Variants in CST8 observed in about 807,000 individuals in gnomAD.
CST8 encodes the protein cystatin 8, also known as cystatin-8.
Under a neutral mutation model 11.8 loss-of-function variants are expected in CST8, and 20 were observed. The observed-to-expected ratio is 1.70, with a 90% CI of 1.20 to 2.47. CST8 has a LOEUF of 2.47. Ranked by LOEUF, CST8 falls within the 30% of genes most tolerant of loss-of-function variation. CST8 has a pLI of 0.00. For synonymous variants in CST8, 77 were observed against 63.1 expected (o/e 1.22, Z -1.05); for missense variants, 196 against 167.2 (o/e 1.17, Z -0.95).
rs536181384 is a variant in CST8, at chr20:23,491,568, T to C, written c.-100T>C. ...GAGGCAGTGTGTGGCTCGAAGATTC[T>C]TGAACCCACAGCAGCAGCTGCGGCC... is the stretch of plus-strand genomic sequence containing the variant. On this transcript the variant is annotated 5_prime_UTR_variant, in exon 2 of 4. Coordinates refer to ENST00000246012, the MANE Select transcript of CST8 (RefSeq NM_005492.4). 61 of 897,886 alleles carry C rather than the reference T, an allele frequency of 6.8e-5. No homozygotes were observed. The African/African-American group carries it at 9.6e-4, about 14-fold the overall frequency. 55.6% of individuals were successfully genotyped at this position (897,886 alleles called of 1,614,324 possible).
At chr20:23,492,915 G>T (rs773069530) in intron 2 of CST8, 43 bp from the exon 3 acceptor site, 2 of 1,126,686 alleles carry the variant, frequency 1.8e-6, no homozygotes, top group African/African-American at 1.6e-5. Context: ...CTTTAAAAAA[G>T]TACAACTCTT....
the CST8 span, among the ~76,000 whole-genome samples, chr20:23,503,301 T>C: frequency 6.6e-6 from 1 of 152,210 alleles, no homozygotes; most frequent in East Asian, 1.9e-4. Context: ...TCTTAGACTT[T>C]ATTAGAGTAT....
At chr20:23,494,463 C>T (rs1987982497) in intron 3 of CST8, among the ~76,000 whole-genome samples, 1 of 152,140 alleles carries the variant, frequency 6.6e-6, no homozygotes, top group Non-Finnish European at 1.5e-5. Context: ...ATGTAATTTG[C>T]CTGTAAAGTC....
chr20:23,506,791 T>G, the CST8 span, among the ~76,000 whole-genome samples: 1 of 152,104 alleles, frequency 6.6e-6, no homozygotes, highest in Non-Finnish European at 1.5e-5. Context: ...CAACACAGGG[T>G]CCCAAGAGTT....
At position 23,492,987 on chromosome 20, in the gene CST8, T is replaced by C. The variant is rs752349769; in HGVS notation, c.261T>C (p.Asp87=). ...CAAATCTTCTGGAATACCTTATTGA[T>C]GTAGAAATTGCCCGCAGCGATTGCA... The part of the protein sequence containing the change: ...QVTNLLEYLI[D]VEIARSDCRK... The change falls in exon 3 of 4, where the codon GAT becomes GAC. Residue 87 remains aspartate (D), a synonymous_variant. Transcript: ENST00000246012. The C allele has an allele frequency of 5.6e-5, 90 of 1,609,928 alleles. 1 individual carries two copies. The South Asian group carries it at 9.6e-4, about 17-fold the overall frequency.
At chr20:23,499,209 T>A, downstream of CST8, among the ~76,000 whole-genome samples, 1 of 152,188 alleles carries the variant, frequency 6.6e-6, no homozygotes, top group East Asian at 1.9e-4. Context: ...CATATATGTG[T>A]TTCTATGCAC....
chr20:23,496,905 A>C (rs1047284636), downstream of CST8, among the ~76,000 whole-genome samples: 1 of 152,206 alleles, frequency 6.6e-6, no homozygotes, highest in African/African-American at 2.4e-5. Flanking sequence ...GTTTAAGGTT[A>C]TCTCTCTTGT....
rs541260271 is a variant in CST8, at chr20:23,494,504, TTCAA to T, written c.346-1325_346-1322del. On this transcript the variant is annotated intron_variant, in intron 3 of 3. Coordinates refer to ENST00000246012, the MANE Select transcript of CST8 (RefSeq NM_005492.4). ...GATCCAGTACTTTTTATTGCATATTTTCAATACTCAGCAGGGACTAAACTTTCTT... is the reference window on the plus strand; with the variant it reads ...GATCCAGTACTTTTTATTGCATATTTTACTCAGCAGGGACTAAACTTTCTT... Among the ~76,000 whole-genome samples, 333 of 152,342 alleles carry T rather than the reference TTCAA, an allele frequency of 2.2e-3. 3 individuals are homozygous for T. Among genetic ancestry groups the T allele is most frequent in the African/African-American group, 7.8e-3 (323 of 41,576 alleles).
At chr20:23,493,157 G>A in intron 3 of CST8, 86 bp downstream of exon 3, 3 of 856,664 alleles carry the variant, frequency 3.5e-6, no homozygotes, top group Non-Finnish European at 5.9e-6. Context: ...TTCTCTTTGA[G>A]GTCTGGGTGG....
At position 23,491,853 on chromosome 20, in the gene CST8, C is replaced by T. The variant is rs1256387921; in HGVS notation, c.186C>T (p.Asp62=). The T allele has an allele frequency of 1.9e-6, 3 of 1,614,078 alleles. No homozygotes were observed. Among genetic ancestry groups the T allele is most frequent in the Admixed American group, 3.3e-5 (2 of 60,004 alleles). Residue 62 remains aspartate (D), a synonymous_variant, in exon 2 of 4, where the codon GAC becomes GAT. Transcript: ENST00000246012. ...AAGAATACAACAAAGAGAGCGAGGA[C>T]AAGTATGTCTTCCTGGTGGTCAAGA... ...AMQEYNKESE[D]KYVFLVVKTL...
chr20:23,505,995 G>GTTT, the CST8 span, among the ~76,000 whole-genome samples: 4 of 147,380 alleles, frequency 2.7e-5, no homozygotes, highest in East Asian at 2.0e-4. Flanking sequence ...AAATCTCCTA[G>GTTT]TTTTTTTTTT....
chr20:23,495,872 T>G lies in CST8; in HGVS notation c.387T>G (p.Asn129Lys). The change falls in exon 4 of 4, where the codon AAT becomes AAG. Residue 129 changes from asparagine (N) to lysine (K), a missense_variant. Coordinates refer to ENST00000246012, the MANE Select transcript of CST8 (RefSeq NM_005492.4). Reference sequence around the variant, plus strand: ...TTTTGGTAGGAGCACTTCCCTGGAATGGTGAATTCACTGTGATGGAGAAAA... The same window carrying G: ...TTTTGGTAGGAGCACTTCCCTGGAAGGGTGAATTCACTGTGATGGAGAAAA... The part of the protein sequence containing the change: ...CSFLVGALPW[N>K]GEFTVMEKKC... 1.9e-6 allele frequency: 3 copies of G among 1,612,162 alleles called. No homozygotes were observed. Among genetic ancestry groups the G allele is most frequent in the Non-Finnish European group, 2.5e-6 (3 of 1,179,500 alleles).
At chr20:23,498,650 CTG>C (rs1034479464), downstream of CST8, among the ~76,000 whole-genome samples, 2 of 152,244 alleles carry the variant, frequency 1.3e-5, no homozygotes, top group African/African-American at 4.8e-5. Context: ...TGGTCTCTGT[CTG>C]TGTGCCACTC....
chr20:23,491,858 A>G lies in CST8; in HGVS notation c.191A>G (p.Tyr64Cys), dbSNP rs1987896860. Reference sequence around the variant, plus strand: ...TACAACAAAGAGAGCGAGGACAAGTATGTCTTCCTGGTGGTCAAGACACTG... The same window carrying G: ...TACAACAAAGAGAGCGAGGACAAGTGTGTCTTCCTGGTGGTCAAGACACTG... ...QEYNKESEDK[Y>C]VFLVVKTLQA... is the part of the protein sequence containing the mutation. The change falls in exon 2 of 4, where the codon TAT becomes TGT. Residue 64 changes from tyrosine to cysteine, a missense_variant. By Grantham distance (194) the Tyr-to-Cys change is radical. Transcript: ENST00000246012. 1.9e-6 allele frequency: 3 copies of G among 1,614,224 alleles called. No homozygotes were observed. The highest frequency in any genetic ancestry group is 1.3e-5 in the African/African-American group (1 of 75,056).
intron 3 of CST8, 41 bp downstream of exon 3, chr20:23,493,112 C>G (rs1480458112): frequency 8.0e-7 from 1 of 1,243,624 alleles, no homozygotes; most frequent in East Asian, 2.3e-5. Flanking sequence ...CTAGGCAGCT[C>G]TGAACCCAAG....
chr20:23,506,314 G>A, the CST8 span, among the ~76,000 whole-genome samples: 1 of 152,124 alleles, frequency 6.6e-6, no homozygotes, highest in African/African-American at 2.4e-5. Context: ...GGTGCTGTGG[G>A]GGTCCTAGAC....
At chr20:23,497,593 T>C (rs560115650), downstream of CST8, among the ~76,000 whole-genome samples, 15 of 152,350 alleles carry the variant, frequency 9.8e-5, no homozygotes, top group South Asian at 2.5e-3. Flanking sequence ...CTGGGTAATT[T>C]ACAAAGATTA....
downstream of CST8, among the ~76,000 whole-genome samples, chr20:23,498,111 C>T (rs1600299406): frequency 6.6e-6 from 1 of 151,870 alleles, no homozygotes; most frequent in Admixed American, 6.6e-5. Flanking sequence ...GAGCAGGAGA[C>T]AAAATTCTCT....
chr20:23,494,961 C>T (rs1432706512), intron 3 of CST8, among the ~76,000 whole-genome samples: 1 of 152,096 alleles, frequency 6.6e-6, no homozygotes, highest in Non-Finnish European at 1.5e-5. Context: ...TCCTCTCTCT[C>T]CCCCGCCCTC....
Sources: allele counts gnomAD v4.1 joint callset (sites outside exome capture counted in the v4.1 genomes callset), GRCh38; gene constraint gnomAD v4.1.1; transcripts MANE v1.5; gene names NCBI Gene and HGNC (gene_info 2026-07-23, HGNC 2026-07-21).